Variants in CDC27 observed in about 807,000 individuals in gnomAD.
The protein encoded by CDC27 is cell division cycle 27, also known as cell division cycle protein 27 homolog.
A neutral mutation model predicts 109.7 loss-of-function variants in CDC27; 27 were observed. That is an observed-to-expected ratio of 0.25 (90% CI 0.18 to 0.34). CDC27 has a LOEUF of 0.34. CDC27 is among the 10% of genes least tolerant of loss of function. The pLI, the probability that CDC27 is intolerant of heterozygous loss-of-function variation, is 1.00. For synonymous variants in CDC27, 266 were observed against 333.9 expected (o/e 0.80, Z 2.22); for missense variants, 579 against 960.2 (o/e 0.60, Z 5.25).
chr17:47,119,640 A>T lies in CDC27; in HGVS notation c.*1295T>A, dbSNP rs71375392. The T allele has an allele frequency of 6.6e-6, 1 of 152,346 alleles. No homozygotes were observed. The highest frequency in any genetic ancestry group is 2.4e-5 in the African/African-American group (1 of 41,588). 9.4% of individuals were successfully genotyped at this position (152,346 alleles called of 1,614,324 possible). On this transcript the variant is annotated 3_prime_UTR_variant, in exon 19 of 19. Coordinates refer to ENST00000066544, the MANE Select transcript of CDC27 (RefSeq NM_001256.6). Reference sequence around the variant, plus strand: ...ATACATTACAGTAAAGGAGATAAACAATTTAAGACTGTTTAAATCTGTTAC... The same window carrying T: ...ATACATTACAGTAAAGGAGATAAACTATTTAAGACTGTTTAAATCTGTTAC...
At chr17:47,127,402 ATTTTTACGT>A (rs2062176562) in intron 16 of CDC27, among the ~76,000 whole-genome samples, 1 of 151,940 alleles carries the variant, frequency 6.6e-6, no homozygotes, top group South Asian at 2.1e-4. Context: ...TTATTAGCCT[ATTTTTACGT>A]TTTTTTTTGA....
chr17:47,124,166 T>C (rs1277218687), intron 16 of CDC27, among the ~76,000 whole-genome samples: 2 of 117,016 alleles, frequency 1.7e-5, no homozygotes, highest in Non-Finnish European at 3.4e-5. Flanking sequence ...GCAGGCACTC[T>C]AGTACACTGA....
rs200174584 is a variant in CDC27 at position 47,122,418 on chromosome 17, C to T, written c.2392+26G>A. The T allele has an allele frequency of 4.6e-5, 67 of 1,461,154 alleles. No homozygotes were observed. The African/African-American group carries it at 7.7e-4, about 17-fold the overall frequency. 90.5% of individuals were successfully genotyped at this position (1,461,154 alleles called of 1,614,324 possible). On this transcript the variant is annotated intron_variant, in intron 18 of 18. Coordinates refer to ENST00000066544, the MANE Select transcript of CDC27 (RefSeq NM_001256.6). ...TATGCAAAAGGTAACTTTCTAAATA[C>T]TCAAAATCATATGTATGATACTTAC...
intron 14 of CDC27, 89 bp from the exon 15 acceptor site, chr17:47,132,463 T>C: frequency 1.8e-6 from 1 of 554,450 alleles, no homozygotes; most frequent in Non-Finnish European, 3.0e-6. Flanking sequence ...GTATAGAATC[T>C]GGCATTTTAA....
chr17:47,153,681 T>C (rs1023058530), intron 8 of CDC27, among the ~76,000 whole-genome samples: 7 of 152,334 alleles, frequency 4.6e-5, no homozygotes, highest in African/African-American at 1.7e-4. Flanking sequence ...GTATTTTATA[T>C]ATAGAACCTA....
intron 2 of CDC27, among the ~76,000 whole-genome samples, chr17:47,179,666 C>G (rs1567720521): frequency 6.6e-6 from 1 of 152,172 alleles, no homozygotes; most frequent in African/African-American, 2.4e-5. Context: ...TCTGCTCTTA[C>G]TACACTTAAT....
intron 16 of CDC27, among the ~76,000 whole-genome samples, chr17:47,126,315 T>C (rs2062138258): frequency 6.6e-6 from 1 of 152,208 alleles, no homozygotes. Context: ...TTTCTATATC[T>C]AATCCATGCA....
chr17:47,171,386 G>A (rs1269423464), intron 3 of CDC27, among the ~76,000 whole-genome samples: 2 of 152,128 alleles, frequency 1.3e-5, no homozygotes, highest in South Asian at 2.1e-4. Context: ...ACATGTGACC[G>A]TTTAGTCCCT....
rs771398215 is a variant in CDC27 at position 47,154,729 on chromosome 17, G to A, written c.900C>T (p.Asn300=). 2.5e-6 allele frequency: 4 copies of A among 1,610,800 alleles called. No individual in the cohort carries two copies. Among genetic ancestry groups the A allele is most frequent in the Non-Finnish European group, 3.4e-6 (4 of 1,177,986 alleles). The change falls in exon 8 of 19, where the codon AAC becomes AAT. Residue 300 remains asparagine, a synonymous_variant. Coordinates refer to ENST00000066544, the MANE Select transcript of CDC27 (RefSeq NM_001256.6). The part of the protein sequence containing the change: ...PSPGDGSYLQ[N]YTNTPPVIDV... ...CAATTACAGGAGGTGTATTAGTGTA[G>A]TTTTGTAAATAGGATCCATCTCCAG... is the stretch of plus-strand genomic sequence containing the variant.
At chr17:47,155,095 T>A (rs943802856) in intron 7 of CDC27, among the ~76,000 whole-genome samples, 1 of 152,192 alleles carries the variant, frequency 6.6e-6, no homozygotes, top group Non-Finnish European at 1.5e-5. Context: ...CTTCAAATTC[T>A]TGGAATTTAT....
chr17:47,132,205 C>T, intron 15 of CDC27, 52 bp downstream of exon 15: 1 of 843,046 alleles, frequency 1.2e-6, no homozygotes, highest in Admixed American at 2.5e-5. Context: ...CAATAACAAA[C>T]ATATTTCAAA....
chr17:47,136,966 T>C (rs377129069), intron 14 of CDC27, among the ~76,000 whole-genome samples, 186 bp downstream of exon 14: 3 of 152,214 alleles, frequency 2.0e-5, no homozygotes, highest in African/African-American at 7.2e-5. Context: ...CATTAGTTAA[T>C]TTAAGAGTTT....
At chr17:47,153,254 G>C (rs2063203605) in intron 8 of CDC27, among the ~76,000 whole-genome samples, 1 of 152,230 alleles carries the variant, frequency 6.6e-6, no homozygotes, top group Non-Finnish European at 1.5e-5. Context: ...AACAGAGGCA[G>C]AAGAGGATGA....
intron 4 of CDC27, among the ~76,000 whole-genome samples, chr17:47,169,409 G>C (rs11570477): frequency 0.011 from 1,692 of 152,138 alleles, 53 homozygotes; most frequent in East Asian, 0.095. Flanking sequence ...ACTTTGGGAG[G>C]CTGAGGCAGG....
intron 1 of CDC27, among the ~76,000 whole-genome samples, chr17:47,187,425 C>T (rs2064482742): frequency 6.6e-6 from 1 of 152,046 alleles, no homozygotes; most frequent in South Asian, 2.1e-4. Flanking sequence ...CTCAGCCTCC[C>T]AAGTAGCTGG....
intron 16 of CDC27, 42 bp downstream of exon 16, chr17:47,129,351 T>C: frequency 7.1e-7 from 1 of 1,406,532 alleles, no homozygotes; most frequent in South Asian, 1.3e-5. Flanking sequence ...ACGTTGTTTT[T>C]AAGCAATACA....
Position 47,122,457 on chromosome 17 carries a change from T to G in CDC27, c.2379A>C (p.Gln793His), listed in dbSNP as rs1246559608. Residue 793 changes from glutamine (Q) to histidine (H), a missense_variant, in exon 18 of 19, where the codon CAA becomes CAC. Transcript: ENST00000066544. Reference protein sequence around the residue: ...YLPDDEEPITQEEQIMGTDES... With the variant: ...YLPDDEEPITHEEQIMGTDES... ...TATGATACTTACTGATCTGTTCTTC[T>G]TGGGTTATTGGCTCCTCATCATCTG... 6 of 1,602,650 alleles carry G rather than the reference T, an allele frequency of 3.7e-6. No homozygotes were observed. Among genetic ancestry groups the G allele is most frequent in the Middle Eastern group, 1.7e-4 (1 of 5,998 alleles).
intron 3 of CDC27, 106 bp downstream of exon 3, chr17:47,171,811 G>A (rs1307905973): frequency 2.8e-6 from 2 of 712,276 alleles, no homozygotes; most frequent in Non-Finnish European, 2.3e-6. Flanking sequence ...TGAAATAGAT[G>A]GAAAACAGGG....
At chr17:47,185,878 C>T (rs1231211569) in intron 1 of CDC27, among the ~76,000 whole-genome samples, 1 of 152,186 alleles carries the variant, frequency 6.6e-6, no homozygotes, top group Non-Finnish European at 1.5e-5. Flanking sequence ...GCAATTTTGC[C>T]TTCTTACTCC....
Sources: allele counts gnomAD v4.1 joint callset (sites outside exome capture counted in the v4.1 genomes callset), GRCh38; gene constraint gnomAD v4.1.1; transcripts MANE v1.5; gene names NCBI Gene and HGNC (gene_info 2026-07-23, HGNC 2026-07-21).